KCNH2: variants seen among roughly 807,000 people sequenced by gnomAD.
The protein encoded by KCNH2 is potassium voltage-gated channel subfamily H member 2.
KCNH2 carries 35 observed loss-of-function variants against 95.9 expected under a neutral mutation model. That is an observed-to-expected ratio of 0.37 (90% confidence interval 0.28 to 0.48). The LOEUF (loss-of-function observed/expected upper bound fraction) is 0.48, where lower values mean the gene tolerates loss of function less well. KCNH2 is among the 20% of genes least tolerant of loss of function. The pLI, the probability that KCNH2 is intolerant of heterozygous loss-of-function variation, is 0.99. For synonymous variants in KCNH2, 786 were observed against 754.7 expected (o/e 1.04, Z -0.68); for missense variants, 1,274 against 1,702.9 (o/e 0.75, Z 4.43).
Position 150,947,071 on chromosome 7 carries a change from G to A in KCNH2, c.3153-17C>T. On this transcript the variant is annotated splice_polypyrimidine_tract_variant and intron_variant, in intron 13 of 14. Transcript: ENST00000262186. ...GTCTCCAGCCTGGGGCAGGAAGTGG[G>A]GGATGCTCAGAGAAGTGGGGACACC... 1 of 1,580,780 alleles carries A rather than the reference G, an allele frequency of 6.3e-7. No individual in the cohort carries two copies. The highest frequency in any genetic ancestry group is 8.6e-7 in the Non-Finnish European group (1 of 1,160,322).
intron 2 of KCNH2, among the ~76,000 whole-genome samples, chr7:150,963,263 C>A (rs1401255035): frequency 2.0e-5 from 3 of 152,178 alleles, no homozygotes; most frequent in Admixed American, 6.5e-5. Context: ...GGTTCCCAGT[C>A]TCAAAGGGAG....
chr7:150,953,300 T>G (rs1801254151), intron 5 of KCNH2, among the ~76,000 whole-genome samples: 1 of 152,144 alleles, frequency 6.6e-6, no homozygotes, highest in African/African-American at 2.4e-5. Flanking sequence ...ATCCACTGAC[T>G]GGTAGTCACT....
chr7:150,974,660 G>A, intron 2 of KCNH2, 51 bp downstream of exon 2: 1 of 314,870 alleles, frequency 3.2e-6, no homozygotes, highest in Non-Finnish European at 5.5e-6. Flanking sequence ...CCGTGGTCCC[G>A]CCCCTCTTGA....
At chr7:150,955,175 C>G (rs1801324046) in intron 5 of KCNH2, among the ~76,000 whole-genome samples, 1 of 152,250 alleles carries the variant, frequency 6.6e-6, no homozygotes, top group Admixed American at 6.5e-5. Context: ...ATGGCAGGCA[C>G]AGGAGCGGGG....
chr7:150,958,841 G>A (rs1375290093), intron 3 of KCNH2, among the ~76,000 whole-genome samples: 2 of 152,244 alleles, frequency 1.3e-5, no homozygotes, highest in African/African-American at 4.8e-5. Context: ...CACAGCCAGT[G>A]CGTGGGGCCT....
At chr7:150,948,741 T>A in intron 10 of KCNH2, 115 bp downstream of exon 10, 1 of 1,156,970 alleles carries the variant, frequency 8.6e-7, no homozygotes, top group Non-Finnish European at 1.3e-6. Flanking sequence ...ATGATACCAT[T>A]TGACAGACAG....
chr7:150,954,263 G>A (rs1370334297), intron 5 of KCNH2, among the ~76,000 whole-genome samples: 4 of 150,894 alleles, frequency 2.7e-5, no homozygotes, highest in African/African-American at 9.8e-5. Flanking sequence ...TGATCAAGTG[G>A]GGACTGAAAA....
rs937967015 is a variant in KCNH2 at position 150,962,005 on chromosome 7, C to G, written c.308-2269G>C. Among the ~76,000 whole-genome samples the G allele has an allele frequency of 6.6e-6, 1 of 152,246 alleles. No homozygotes were observed. Among genetic ancestry groups the G allele is most frequent in the Admixed American group, 6.5e-5 (1 of 15,290 alleles). Reference sequence around the variant, plus strand: ...TTCCACTCACCACATCCCAGACCCTCACAGCCCCGCCCGAGGGCCCTGAGC... The same window carrying G: ...TTCCACTCACCACATCCCAGACCCTGACAGCCCCGCCCGAGGGCCCTGAGC... On this transcript the variant is annotated intron_variant, in intron 2 of 14. Coordinates refer to ENST00000262186, the MANE Select transcript of KCNH2 (RefSeq NM_000238.4). This position sits in a 1 kb window ranked among gnomAD's most constrained non-coding sequence, Gnocchi z 5.7.
At chr7:150,958,596 GA>G in intron 3 of KCNH2, 94 bp from the exon 4 acceptor site, 1 of 1,057,528 alleles carries the variant, frequency 9.5e-7, no homozygotes, top group Non-Finnish European at 1.3e-6. Flanking sequence ...CTGGGTAAGG[GA>G]AGGAGGGGAA....
chr7:150,949,677 G>C, intron 9 of KCNH2: 1 of 1,145,602 alleles, frequency 8.7e-7, no homozygotes, highest in Non-Finnish European at 1.1e-6. Flanking sequence ...AGGCAAAGGG[G>C]GAGGAAGTCC....
chr7:150,958,146 C>T lies in KCNH2; in HGVS notation c.829G>A (p.Ala277Thr). 7.5e-7 allele frequency: 1 copy of T among 1,325,416 alleles called. No individual in the cohort carries two copies. The highest frequency in any genetic ancestry group is 9.6e-7 in the Non-Finnish European group (1 of 1,040,670). 82.1% of individuals were successfully genotyped at this position (1,325,416 alleles called of 1,614,324 possible). A position where few individuals can be genotyped will look rare whatever the true frequency, so the allele number is the denominator to read the frequency against. ...GCCGACGAGGCGCGGCGCACGCTGG[C>T]GCAGCTTTCTCGGGAGCGCGTCCGG... The part of the protein sequence containing the change: ...LARTRSRESC[A>T]SVRRASSADD... The change falls in exon 4 of 15, where the codon GCC (alanine) becomes ACC (threonine). Residue 277 changes from alanine (A) to threonine (T), a missense_variant. Ala to Thr is a moderately conservative substitution (Grantham distance 58). This residue lies in a region of KCNH2 where 392 missense variants were observed against 429.9 expected (regional missense o/e 0.91). Coordinates refer to ENST00000262186, the MANE Select transcript of KCNH2 (RefSeq NM_000238.4).
intron 2 of KCNH2, among the ~76,000 whole-genome samples, chr7:150,967,682 A>G (rs1464088137): frequency 1.3e-5 from 2 of 152,268 alleles, no homozygotes; most frequent in Non-Finnish European, 2.9e-5. Flanking sequence ...AAAACAATTA[A>G]GAGAACAGAA....
Position 150,957,688 on chromosome 7 carries a change from G to A in KCNH2, c.917-186C>T, listed in dbSNP as rs533795584. Among the ~76,000 whole-genome samples the A allele has an allele frequency of 5.9e-5, 9 of 152,360 alleles. No individual in the cohort carries two copies. In the East Asian group the frequency reaches 1.7e-3, roughly 29 times the overall value. ...CTGTCCCACTCTAAGGAAGCAGCCA[G>A]GAGACAGCCCTGAGACCAGGAAGAG... On this transcript the variant is annotated intron_variant, in intron 4 of 14. Transcript: ENST00000262186.
intron 2 of KCNH2, among the ~76,000 whole-genome samples, chr7:150,969,615 A>G (rs2117046540): frequency 6.6e-6 from 1 of 152,296 alleles, no homozygotes; most frequent in East Asian, 1.9e-4. Flanking sequence ...AACGCAGCAC[A>G]CTGCCCACCC....
At chr7:150,970,570 A>G (rs1204681432) in intron 2 of KCNH2, among the ~76,000 whole-genome samples, 3 of 151,928 alleles carry the variant, frequency 2.0e-5, no homozygotes, top group Admixed American at 1.3e-4. Flanking sequence ...CTCAGGAATG[A>G]CCCCCGTGGA....
At chr7:150,977,168 A>C (rs529883363) in intron 1 of KCNH2, among the ~76,000 whole-genome samples, 1 of 151,938 alleles carries the variant, frequency 6.6e-6, no homozygotes, top group African/African-American at 2.4e-5. Context: ...GGGCAAGAAA[A>C]CCCACAACTT....
At position 150,945,374 on chromosome 7, in the gene KCNH2, C is replaced by T. The variant is rs562609392; in HGVS notation, c.3471G>A (p.Pro1157=). 8.2e-6 allele frequency: 13 copies of T among 1,586,794 alleles called. No homozygotes were observed. Among genetic ancestry groups the T allele is most frequent in the South Asian group, 5.7e-5 (5 of 87,118 alleles). ...ACACTGGGCAGCCCCACTAACTGCCCGGGTCCGAGCCGTGTCTGTGCAGGG... is the reference window on the plus strand; with the variant it reads ...ACACTGGGCAGCCCCACTAACTGCCTGGGTCCGAGCCGTGTCTGTGCAGGG... The part of the protein sequence containing the change: ...SQPLHRHGSD[P]GS Residue 1157 remains proline, a synonymous_variant, in exon 15 of 15, where the codon CCG becomes CCA. Transcript: ENST00000262186. This position sits in a 1 kb window ranked among gnomAD's most constrained non-coding sequence, Gnocchi z 5.6.
In KCNH2 at chr7:150,951,110, A is replaced by G. The variant is rs1137617; in HGVS notation, c.1956T>C (p.Tyr652=). The change falls in exon 8 of 15, where the codon TAT becomes TAC. Residue 652 remains tyrosine (Y), a synonymous_variant. Transcript: ENST00000262186. ...ICVMLIGSLM[Y]ASIFGNVSAI... ...CCGACACGTTGCCGAAGATGCTAGC[A>G]TACATGAGGGCTGGGGGCGTGGGCA... 0.64 allele frequency: 1,024,647 copies of G among 1,608,930 alleles called. 331,619 individuals are homozygous for G. Among genetic ancestry groups the G allele is most frequent in the East Asian group, 0.91 (40,704 of 44,792 alleles).
chr7:150,948,437 G>T lies in KCNH2; in HGVS notation c.2692+7C>A. On this transcript the variant is annotated splice_region_variant and intron_variant, in intron 11 of 14. Coordinates refer to ENST00000262186, the MANE Select transcript of KCNH2 (RefSeq NM_000238.4). The stretch of plus-strand genomic sequence containing the variant: ...GCCCTCCCCCTTCCTCCCCTCCCCC[G>T]CCTCACCCTTGTCCGTGCGCCTGCG... 2 of 561,196 alleles carry T rather than the reference G, an allele frequency of 3.6e-6. No individual in the cohort carries two copies. The highest frequency in any genetic ancestry group is 2.5e-6 in the Non-Finnish European group (1 of 395,592). The allele number at this position is 561,196 out of a possible 1,614,324, so 34.8% of individuals were successfully genotyped here.
Sources: gnomAD v4.1 joint callset for allele counts (sites outside exome capture counted in the v4.1 genomes callset) on GRCh38, gnomAD v4.1.1 for gene constraint, gnomAD v4.1.1 regional missense constraint, Gnocchi (gnomAD v3.1) non-coding constraint, MANE v1.5 for transcripts, NCBI Gene and HGNC (gene_info 2026-07-23, HGNC 2026-07-21) for gene names.